The following IPO5 variants were observed in gnomAD, a reference collection of about 807,000 sequenced individuals.
The protein encoded by IPO5 is importin 5.
IPO5 carries 18 observed loss-of-function variants against 143.3 expected under a neutral mutation model. The observed-to-expected ratio is 0.13, with a 90% confidence interval of 0.09 to 0.19. The LOEUF is 0.19. IPO5 is among the 10% of genes least tolerant of loss of function. The probability of loss-of-function intolerance (pLI) is 1.00; values close to 1 mark genes in which losing one functional copy is unlikely to be tolerated. For missense variants in IPO5, 1,013 were observed against 1,336.9 expected, an observed-to-expected ratio of 0.76 and a Z score of 3.78; for synonymous variants, 477 against 465.7, an observed-to-expected ratio of 1.02 and a Z score of -0.31.
intron 12 of IPO5, among the ~76,000 whole-genome samples, chr13:97,998,507 A>T (rs913484742): frequency 1.3e-5 from 2 of 152,226 alleles, no homozygotes; most frequent in African/African-American, 4.8e-5. Context: ...GGCAGCATCC[A>T]GTGGTGAAAA....
chr13:97,979,866 A>G (rs748332097), intron 4 of IPO5: 1 of 456,542 alleles, frequency 2.2e-6, no homozygotes, highest in Non-Finnish European at 4.4e-6. Flanking sequence ...ACATTGAAAA[A>G]TATACCTGAT....
chr13:97,986,358 A>ATTTTTTT (rs1305786299), intron 6 of IPO5, among the ~76,000 whole-genome samples: 1 of 148,414 alleles, frequency 6.7e-6, no homozygotes, highest in Non-Finnish European at 1.5e-5. Context: ...ATGTATATAT[A>ATTTTTTT]TATTTTTTTT....
intron 18 of IPO5, among the ~76,000 whole-genome samples, chr13:98,009,172 C>T (rs558939914): frequency 6.6e-5 from 10 of 152,194 alleles, no homozygotes; most frequent in Admixed American, 2.0e-4. Context: ...ATCTGAAGAG[C>T]GGGTGGACTT....
chr13:98,003,090 A>T, intron 16 of IPO5, 53 bp downstream of exon 16: 1 of 1,380,794 alleles, frequency 7.2e-7, no homozygotes, highest in Non-Finnish European at 1.0e-6. Context: ...ATTTGGGTTG[A>T]TTTGATGGGT....
chr13:98,018,505 A>G lies in IPO5; in HGVS notation c.2637A>G (p.Pro879=), dbSNP rs574532304. The G allele has an allele frequency of 2.5e-6, 4 of 1,613,756 alleles. No individual in the cohort carries two copies. In the African/African-American group the frequency reaches 5.3e-5, roughly 21 times the overall value. The change falls in exon 26 of 29, where the codon CCA becomes CCG. Residue 879 remains proline (P), a synonymous_variant. Transcript: ENST00000651721. ...VNLICPHRPW[P]DRQWGLCIFD... is the part of the protein sequence containing the mutation. ...TGTAGTGTCCACATAGACCATGGCC[A>G]GACAGACAATGGGGATTATGCATCT...
rs1188783351 is a variant in IPO5 at position 98,002,817 on chromosome 13, A to G, written c.1323+44A>G. On this transcript the variant is annotated intron_variant, in intron 15 of 28. Transcript: ENST00000651721. ...AACACTTAAATCAGACTTTAGGAAG[A>G]AGGGTGGACATTTCAACATGTGTGC... is the stretch of plus-strand genomic sequence containing the variant. 7 of 1,595,986 alleles carry G rather than the reference A, an allele frequency of 4.4e-6. No individual in the cohort carries two copies. The South Asian group carries it at 7.9e-5, about 18-fold the overall frequency.
At chr13:97,979,571 G>A (rs1451116740) in intron 4 of IPO5, among the ~76,000 whole-genome samples, 1 of 152,146 alleles carries the variant, frequency 6.6e-6, no homozygotes, top group African/African-American at 2.4e-5. Context: ...AGTATTCATG[G>A]TATTTATCAC....
rs981510041 is a variant in IPO5 at position 98,022,639 on chromosome 13, C to T, written c.*817C>T. On this transcript the variant is annotated 3_prime_UTR_variant, in exon 29 of 29. Coordinates refer to ENST00000651721, the MANE Select transcript of IPO5 (RefSeq NM_002271.6). ...CCTTGTGCAATTCAGACTTAAGCATCGAGTTTTTACCATCTTCCACTTTAA... is the reference window on the plus strand; with the variant it reads ...CCTTGTGCAATTCAGACTTAAGCATTGAGTTTTTACCATCTTCCACTTTAA... 1 of 152,100 alleles carries T rather than the reference C, an allele frequency of 6.6e-6. No homozygotes were observed. Among genetic ancestry groups the T allele is most frequent in the African/African-American group, 2.4e-5 (1 of 41,402 alleles). The allele number at this position is 152,100 out of a possible 1,614,324, so 9.4% of individuals were successfully genotyped here. A position where few individuals can be genotyped will look rare whatever the true frequency, so the allele number is the denominator to read the frequency against.
chr13:97,976,521 C>G (rs1282575877), intron 3 of IPO5, 172 bp from the exon 4 acceptor site: 1 of 155,600 alleles, frequency 6.4e-6, no homozygotes, highest in Non-Finnish European at 1.4e-5. Context: ...CCGCGAGGCC[C>G]CGCCCCGTCC....
intron 3 of IPO5, among the ~76,000 whole-genome samples, chr13:97,976,273 C>T (rs1040478090): frequency 1.3e-5 from 2 of 151,744 alleles, no homozygotes; most frequent in Non-Finnish European, 2.9e-5. Context: ...GGCCCCAGCC[C>T]AGGCCTCGAC....
chr13:98,019,305 T>G (rs949010945), intron 26 of IPO5, among the ~76,000 whole-genome samples: 14 of 152,100 alleles, frequency 9.2e-5, no homozygotes, highest in Admixed American at 8.5e-4. Flanking sequence ...TTTTAAAGTT[T>G]AAGGACCCTC....
chr13:98,016,816 T>C lies in IPO5; in HGVS notation c.2581T>C (p.Phe861Leu). ...CTACAAAGAAAAGGTGTTACCATGG[T>C]TTGAACAGCTGCTTCCATTAATTGT... ...SSYKEKVLPWFEQLLPLIVNL... is the reference protein window; with the variant it reads ...SSYKEKVLPWLEQLLPLIVNL... The change falls in exon 25 of 29, where the codon TTT becomes CTT. Residue 861 changes from phenylalanine to leucine, a missense_variant. Around this residue, in one of 2 missense-constraint regions of IPO5, gnomAD observed 685 missense variants for 994.9 expected, o/e 0.69. Coordinates refer to ENST00000651721, the MANE Select transcript of IPO5 (RefSeq NM_002271.6). 6.3e-7 allele frequency: 1 copy of C among 1,577,846 alleles called. No homozygotes were observed.
chr13:97,985,226 TCTC>T (rs199558266), intron 5 of IPO5, among the ~76,000 whole-genome samples, 192 bp from the exon 6 acceptor site: 1,861 of 152,286 alleles, frequency 0.012, 15 homozygotes, highest in Non-Finnish European at 0.018. Flanking sequence ...GATTAGAAGT[TCTC>T]CTCACCTTAA....
chr13:98,020,250 C>T (rs905975683), intron 27 of IPO5, among the ~76,000 whole-genome samples: 6 of 152,072 alleles, frequency 3.9e-5, no homozygotes, highest in South Asian at 2.1e-4. Flanking sequence ...AGTCCAAGTT[C>T]CCCCCAAATA....
Position 97,997,561 on chromosome 13 carries a change from T to G in IPO5, c.944T>G (p.Leu315Trp). 6.2e-7 allele frequency: 1 copy of G among 1,610,344 alleles called. No individual in the cohort carries two copies. Among genetic ancestry groups the G allele is most frequent in the Non-Finnish European group, 8.5e-7 (1 of 1,176,884 alleles). ...IPQMLAMMVDLEEDEDWANAD... is the reference protein window; with the variant it reads ...IPQMLAMMVDWEEDEDWANAD... The stretch of plus-strand genomic sequence containing the variant: ...CAGATGTTAGCAATGATGGTTGATT[T>G]GGAAGAAGATGAGGACTGGGCAAAT... Residue 315 changes from leucine (L) to tryptophan (W), a missense_variant, in exon 12 of 29, where the codon TTG (leucine) becomes TGG (tryptophan). Coordinates refer to ENST00000651721, the MANE Select transcript of IPO5 (RefSeq NM_002271.6).
In IPO5 at chr13:97,993,133, T is replaced by G. The variant is rs1414258773; in HGVS notation, c.821T>G (p.Met274Arg). The change falls in exon 11 of 29, where the codon ATG becomes AGG. Residue 274 changes from methionine (M) to arginine (R), a missense_variant. By Grantham distance (91) the Met-to-Arg change is moderately conservative. Coordinates refer to ENST00000651721, the MANE Select transcript of IPO5 (RefSeq NM_002271.6). ...KLCGDTSLNN[M>R]QRQLALEVIV... ...TGTGGAGACACTAGCCTCAACAATA[T>G]GCAACGCCAGCTTGCCCTTGAAGTG... 6.2e-7 allele frequency: 1 copy of G among 1,614,150 alleles called. No homozygotes were observed. Among genetic ancestry groups the G allele is most frequent in the Non-Finnish European group, 8.5e-7 (1 of 1,179,978 alleles).
chr13:97,986,028 C>T (rs1389683509), intron 6 of IPO5, among the ~76,000 whole-genome samples: 1 of 152,024 alleles, frequency 6.6e-6, no homozygotes, highest in Non-Finnish European at 1.5e-5. Flanking sequence ...ATGGGAGAAT[C>T]ACCTGAGCCC....
chr13:97,999,810 T>C (rs938615052), intron 12 of IPO5, among the ~76,000 whole-genome samples: 1 of 152,226 alleles, frequency 6.6e-6, no homozygotes, highest in East Asian at 1.9e-4. Context: ...GGGAAGATTA[T>C]ACATTCTCTG....
chr13:97,955,568 G>A (rs1884397995), intron 2 of IPO5, among the ~76,000 whole-genome samples: 1 of 152,144 alleles, frequency 6.6e-6, no homozygotes, highest in Non-Finnish European at 1.5e-5. Context: ...GGGCAAGCAA[G>A]CCTAAGTGGC....
Sources: gnomAD v4.1 joint callset for allele counts (sites outside exome capture counted in the v4.1 genomes callset) on GRCh38, gnomAD v4.1.1 for gene constraint, gnomAD v4.1.1 regional missense constraint, MANE v1.5 for transcripts, NCBI Gene and HGNC (gene_info 2026-07-23, HGNC 2026-07-21) for gene names.